CNKSR2: variants seen among roughly 807,000 people sequenced by gnomAD.
CNKSR2 encodes connector enhancer of kinase suppressor of Ras 2.
CNKSR2 carries 14 observed loss-of-function variants against 84.4 expected under a neutral mutation model. That is an observed-to-expected ratio of 0.17 (90% CI 0.11 to 0.26). CNKSR2 has a LOEUF of 0.26. Among genes scored for constraint, CNKSR2 ranks in the 10% least tolerant of loss-of-function variants. The pLI is 1.00. For missense variants in CNKSR2, 485 were observed against 771.2 expected, an observed-to-expected ratio of 0.63 and a Z score of 4.40; for synonymous variants, 275 against 277.9, an observed-to-expected ratio of 0.99 and a Z score of 0.10.
intron 11 of CNKSR2, among the ~76,000 whole-genome samples, chrX:21,541,629 A>T (rs1203329448): frequency 3.6e-5 from 4 of 110,769 alleles, no homozygotes; most frequent in South Asian, 7.7e-4. Context: ...GTTTCCAAGA[A>T]CCTAGAGACA....
chrX:21,445,112 G>C (rs2090835535), intron 4 of CNKSR2, among the ~76,000 whole-genome samples: 1 of 111,202 alleles, frequency 9.0e-6, no homozygotes, highest in African/African-American at 3.3e-5. Context: ...TATGTACTCA[G>C]AGTTAGTGTT....
chrX:21,408,167 T>C (rs1353258090), intron 1 of CNKSR2, among the ~76,000 whole-genome samples: 1 of 112,027 alleles, frequency 8.9e-6, no homozygotes, highest in Admixed American at 9.5e-5. Flanking sequence ...TCTATACCTT[T>C]CACAATGATT....
intron 20 of CNKSR2, among the ~76,000 whole-genome samples, chrX:21,610,310 G>A (rs1275796601): frequency 1.8e-5 from 2 of 111,973 alleles, no homozygotes; most frequent in African/African-American, 6.5e-5. Flanking sequence ...CTGCCTTGTT[G>A]ACATTAAGAA....
intron 4 of CNKSR2, among the ~76,000 whole-genome samples, chrX:21,466,939 T>A (rs1382852745): frequency 7.2e-5 from 8 of 111,366 alleles, no homozygotes; most frequent in Non-Finnish European, 1.3e-4. Context: ...TGGGTTTCAA[T>A]AACTAGCAAG....
chrX:21,616,718 T>G (rs2092578520), intron 20 of CNKSR2, among the ~76,000 whole-genome samples: 1 of 112,172 alleles, frequency 8.9e-6, no homozygotes, highest in Non-Finnish European at 1.9e-5. Flanking sequence ...TTGTCATAAA[T>G]CAGTTAGAAA....
In CNKSR2 at chrX:21,378,072, A is replaced by G. The variant is rs1024684208; in HGVS notation, c.64+3111A>G. Among the ~76,000 whole-genome samples the G allele has an allele frequency of 5.4e-5, 6 of 111,706 alleles. No homozygotes were observed. In the South Asian group the frequency reaches 2.2e-3, roughly 41 times the overall value. On this transcript the variant is annotated intron_variant, in intron 1 of 21. Transcript: ENST00000379510. ...AAATACTCAACTAAATTTTCTACTG[A>G]CAGTAAAAATTGGATATGACACAGT...
At chrX:21,647,906 C>G (rs182040856) in intron 20 of CNKSR2, among the ~76,000 whole-genome samples, 175 of 111,563 alleles carry the variant, frequency 1.6e-3, no homozygotes, top group African/African-American at 5.3e-3. Context: ...CTCCAATCTA[C>G]CACTCCAAGC....
At chrX:21,541,719 A>G (rs952133226) in intron 11 of CNKSR2, among the ~76,000 whole-genome samples, 2 of 111,577 alleles carry the variant, frequency 1.8e-5, no homozygotes, top group African/African-American at 3.3e-5. Context: ...AAAAGCATTA[A>G]TCTATTTAAT....
intron 18 of CNKSR2, among the ~76,000 whole-genome samples, chrX:21,602,223 C>A (rs2092487012): frequency 9.0e-6 from 1 of 111,365 alleles, no homozygotes; most frequent in Admixed American, 9.6e-5. Context: ...TGACTCACTG[C>A]AGCCTCGACC....
intron 6 of CNKSR2, among the ~76,000 whole-genome samples, chrX:21,496,593 T>A (rs1484427239): frequency 8.9e-6 from 1 of 111,766 alleles, no homozygotes; most frequent in Non-Finnish European, 1.9e-5. Context: ...GATTTCTCAA[T>A]AGTTCCATAC....
At chrX:21,402,449 T>C (rs942268875) in intron 1 of CNKSR2, among the ~76,000 whole-genome samples, 1 of 111,514 alleles carries the variant, frequency 9.0e-6, no homozygotes, top group Admixed American at 9.5e-5. Context: ...GTATGATTTT[T>C]TCATTTTTAA....
chrX:21,385,356 CAATGCCTTGTA>C (rs1192682532), intron 1 of CNKSR2, among the ~76,000 whole-genome samples: 1 of 112,081 alleles, frequency 8.9e-6, no homozygotes, highest in Non-Finnish European at 1.9e-5. Flanking sequence ...ATACTTAAAA[CAATGCCTTGTA>C]TATAGTAAGC....
chrX:21,645,654 A>G (rs1347736593), intron 20 of CNKSR2: 1 of 111,456 alleles, frequency 9.0e-6, no homozygotes, highest in Non-Finnish European at 1.9e-5. Flanking sequence ...TCAATCAGGA[A>G]GCAGACCTCA....
At chrX:21,486,742 A>C (rs983946857) in intron 5 of CNKSR2, among the ~76,000 whole-genome samples, 3 of 111,953 alleles carry the variant, frequency 2.7e-5, no homozygotes, top group Admixed American at 9.5e-5. Context: ...GAATATGCTT[A>C]GGTAGTAATA....
At chrX:21,462,666 T>A (rs935783554) in intron 4 of CNKSR2, among the ~76,000 whole-genome samples, 1 of 111,069 alleles carries the variant, frequency 9.0e-6, no homozygotes, top group African/African-American at 3.3e-5. Context: ...TGTGAGTCTA[T>A]CATACATGGC....
At chrX:21,518,094 A>G (rs918876573) in intron 9 of CNKSR2, among the ~76,000 whole-genome samples, 1 of 112,069 alleles carries the variant, frequency 8.9e-6, no homozygotes, top group South Asian at 3.7e-4. Flanking sequence ...ACTTGCATAT[A>G]TGTTTATTTT....
chrX:21,600,872 G>T (rs1246406715), intron 17 of CNKSR2, among the ~76,000 whole-genome samples: 3 of 112,114 alleles, frequency 2.7e-5, no homozygotes, highest in Non-Finnish European at 5.6e-5. Flanking sequence ...GACAGGCAAG[G>T]TCCATAACTT....
At chrX:21,430,013 C>T (rs2090615109) in intron 2 of CNKSR2, among the ~76,000 whole-genome samples, 1 of 111,951 alleles carries the variant, frequency 8.9e-6, no homozygotes, top group African/African-American at 3.2e-5. Flanking sequence ...GAGCTTCTTA[C>T]CTATTATACT....
intron 1 of CNKSR2, among the ~76,000 whole-genome samples, chrX:21,384,387 T>G (rs1300752435): frequency 8.9e-6 from 1 of 112,273 alleles, no homozygotes; most frequent in Non-Finnish European, 1.9e-5. Context: ...GCCTTCTAGC[T>G]GTCAGACCAG....
Sources: gnomAD v4.1 joint callset for allele counts (sites outside exome capture counted in the v4.1 genomes callset) on GRCh38, gnomAD v4.1.1 for gene constraint, MANE v1.5 for transcripts, NCBI Gene and HGNC (gene_info 2026-07-23, HGNC 2026-07-21) for gene names.